Variants in VPS13D observed in about 807,000 individuals in gnomAD.
VPS13D encodes intermembrane lipid transfer protein VPS13D.
In VPS13D, 187 loss-of-function variants were observed where a neutral mutation model predicts 461.9. The observed-to-expected ratio is 0.40, with a 90% CI of 0.36 to 0.46. The LOEUF is 0.46. VPS13D is among the 20% of genes least tolerant of loss of function. VPS13D has a pLI of 0.60. For synonymous variants in VPS13D, 1,951 were observed against 1,986.3 expected, an observed-to-expected ratio of 0.98 and a Z score of 0.47; for missense variants, 4,711 against 5,364.9, an observed-to-expected ratio of 0.88 and a Z score of 3.81.
At chr1:12,308,388 G>A in intron 26 of VPS13D, 43 bp from the exon 27 acceptor site, 1 of 1,599,854 alleles carries the variant, frequency 6.3e-7, no homozygotes, top group Non-Finnish European at 8.5e-7. Flanking sequence ...CCCTTTTTGG[G>A]TCCCCTTTTC....
At chr1:12,359,087 T>G (rs910287040) in intron 50 of VPS13D, among the ~76,000 whole-genome samples, 3 of 152,086 alleles carry the variant, frequency 2.0e-5, no homozygotes, top group African/African-American at 7.2e-5. Context: ...ACAAATAAAA[T>G]GCACTTGGTG....
At position 12,335,769 on chromosome 1, in the gene VPS13D, G is replaced by A. The variant is rs781441566; in HGVS notation, c.8493G>A (p.Glu2831=). 2 of 1,614,140 alleles carry A rather than the reference G, an allele frequency of 1.2e-6. No individual in the cohort carries two copies. The highest frequency in any genetic ancestry group is 1.7e-6 in the Non-Finnish European group (2 of 1,179,996). Residue 2831 remains glutamate, a synonymous_variant, in exon 39 of 70, where the codon GAG becomes GAA. Coordinates refer to ENST00000620676, the MANE Select transcript of VPS13D (RefSeq NM_015378.4). The part of the protein sequence containing the change: ...ADYCKDDKDI[E]SAKSEDWMGS... The stretch of plus-strand genomic sequence containing the variant: ...ACTGTAAAGATGACAAGGACATAGA[G>A]TCAGCTAAATCAGAAGACTGGATGG...
At chr1:12,418,322 T>C (rs1644821488) in intron 65 of VPS13D, among the ~76,000 whole-genome samples, 1 of 152,232 alleles carries the variant, frequency 6.6e-6, no homozygotes, top group South Asian at 2.1e-4. Context: ...CACACTCCCA[T>C]GTTCCCTTAC....
intron 64 of VPS13D, among the ~76,000 whole-genome samples, chr1:12,415,941 G>T (rs989768444): frequency 6.6e-6 from 1 of 152,128 alleles, no homozygotes; most frequent in Non-Finnish European, 1.5e-5. Context: ...TACTTGGTGG[G>T]AGGCCAAGGC....
intron 68 of VPS13D, among the ~76,000 whole-genome samples, chr1:12,500,460 A>G (rs1045028817): frequency 6.6e-6 from 1 of 151,778 alleles, no homozygotes; most frequent in Non-Finnish European, 1.5e-5. Flanking sequence ...TACCTATTTT[A>G]TTTCTAATAC....
Position 12,393,981 on chromosome 1 carries a change from A to G in VPS13D, c.11635-6200A>G, listed in dbSNP as rs148999890. Among the ~76,000 whole-genome samples, 482 of 152,252 alleles carry G rather than the reference A, an allele frequency of 3.2e-3. 3 individuals are homozygous for G. Among genetic ancestry groups the G allele is most frequent in the African/African-American group, 0.011 (457 of 41,532 alleles). On this transcript the variant is annotated intron_variant, in intron 60 of 69. Transcript: ENST00000620676. ...ACAATGACATTTTGGGTCCCCTGAA[A>G]TCAACGTCAGCTCAGAGCCAGTGTC...
Position 12,460,310 on chromosome 1 carries a change from T to A in VPS13D, c.12576T>A (p.Thr4192=), listed in dbSNP as rs767951999. 7.4e-6 allele frequency: 12 copies of A among 1,612,724 alleles called. No homozygotes were observed. In the South Asian group the frequency reaches 1.3e-4, roughly 18 times the overall value. The change falls in exon 67 of 70, where the codon ACT becomes ACA. Residue 4192 remains threonine, a synonymous_variant. Coordinates refer to ENST00000620676, the MANE Select transcript of VPS13D (RefSeq NM_015378.4). Reference sequence around the variant, plus strand: ...GCCTTGGAAAAGGGCTTGTTGGCACTGTAACCAAGCCAGTGGCAGGCGCCC... The same window carrying A: ...GCCTTGGAAAAGGGCTTGTTGGCACAGTAACCAAGCCAGTGGCAGGCGCCC... The part of the protein sequence containing the change: ...ISGLGKGLVG[T]VTKPVAGALD...
At chr1:12,319,417 C>G in intron 31 of VPS13D, 80 bp from the exon 32 acceptor site, 3 of 1,577,454 alleles carry the variant, frequency 1.9e-6, no homozygotes, top group Non-Finnish European at 2.6e-6. Flanking sequence ...GGTGGAAATG[C>G]GCTCGCTGCC....
chr1:12,395,996 G>GAT (rs58476786), intron 60 of VPS13D, among the ~76,000 whole-genome samples: 17,210 of 73,480 alleles, frequency 0.23, 1,991 homozygotes, highest in Non-Finnish European at 0.27. Context: ...ACTAATAGGA[G>GAT]ATATATATAT....
At chr1:12,251,788 G>A (rs1222907982) in intron 6 of VPS13D, among the ~76,000 whole-genome samples, 1 of 152,176 alleles carries the variant, frequency 6.6e-6, no homozygotes, top group East Asian at 1.9e-4. Context: ...AAGGCCTGAA[G>A]TCCAAACACC....
At chr1:12,433,143 C>T (rs961719137) in intron 65 of VPS13D, among the ~76,000 whole-genome samples, 7 of 152,288 alleles carry the variant, frequency 4.6e-5, no homozygotes, top group South Asian at 2.1e-4. Context: ...TGCTGAGAGC[C>T]GGCCTGGCTG....
chr1:12,453,364 G>A (rs1235364458), intron 65 of VPS13D, among the ~76,000 whole-genome samples: 1 of 152,126 alleles, frequency 6.6e-6, no homozygotes, highest in Non-Finnish European at 1.5e-5. Context: ...TTCCAAGAAA[G>A]AGAATGTAAG....
intron 60 of VPS13D, among the ~76,000 whole-genome samples, chr1:12,393,314 G>A (rs910631056): frequency 3.3e-5 from 5 of 152,240 alleles, no homozygotes; most frequent in Non-Finnish European, 5.9e-5. Flanking sequence ...CACAAACCTG[G>A]AGAGTTGATA....
intron 18 of VPS13D, 128 bp downstream of exon 18, chr1:12,273,263 G>A: frequency 1.7e-6 from 2 of 1,198,386 alleles, no homozygotes; most frequent in South Asian, 3.6e-5. Context: ...AAACTTCAAG[G>A]TTCATCTGTA....
chr1:12,372,851 A>G (rs1644140366), intron 54 of VPS13D, among the ~76,000 whole-genome samples: 1 of 150,654 alleles, frequency 6.6e-6, no homozygotes, highest in Non-Finnish European at 1.5e-5. Context: ...GAGGAGAATA[A>G]TCTAAATAAA....
chr1:12,378,730 C>A, intron 56 of VPS13D, 139 bp downstream of exon 56: 1 of 883,198 alleles, frequency 1.1e-6, no homozygotes, highest in Non-Finnish European at 1.6e-6. Context: ...TGTCATATTC[C>A]CAAATATGAG....
chr1:12,443,047 A>C (rs1233721199), intron 65 of VPS13D, among the ~76,000 whole-genome samples: 1 of 152,262 alleles, frequency 6.6e-6, no homozygotes, highest in Non-Finnish European at 1.5e-5. Flanking sequence ...CCTAGCACTT[A>C]GCTTAGACAG....
At chr1:12,335,108 A>G (rs960336099) in intron 38 of VPS13D, among the ~76,000 whole-genome samples, 4 of 152,192 alleles carry the variant, frequency 2.6e-5, no homozygotes, top group Admixed American at 2.6e-4. Context: ...GCTGAATTTC[A>G]GCCTCTGGAG....
At chr1:12,433,279 C>CAA (rs1005521810) in intron 65 of VPS13D, among the ~76,000 whole-genome samples, 2 of 151,316 alleles carry the variant, frequency 1.3e-5, no homozygotes, top group African/African-American at 4.9e-5. Flanking sequence ...AACAAAAAAA[C>CAA]AAAAAAACAA....
Sources: gnomAD v4.1 joint callset for allele counts (sites outside exome capture counted in the v4.1 genomes callset) on GRCh38, gnomAD v4.1.1 for gene constraint, MANE v1.5 for transcripts, NCBI Gene and HGNC (gene_info 2026-07-23, HGNC 2026-07-21) for gene names.